The following POLM variants were observed in gnomAD, a reference collection of about 807,000 sequenced individuals.
POLM encodes the protein DNA polymerase mu.
A neutral mutation model predicts 56.7 loss-of-function variants in POLM; 52 were observed. The observed-to-expected ratio is 0.92, with a 90% CI of 0.73 to 1.15. POLM has a LOEUF of 1.15. Among genes scored for constraint, POLM ranks in the 50% most tolerant of loss-of-function variants. The pLI is 0.00. For missense variants in POLM, 660 were observed against 663.6 expected (o/e 0.99, Z 0.06); for synonymous variants, 273 against 274.3 (o/e 1.00, Z 0.05).
In POLM at chr7:44,079,592, T is replaced by C. The variant is rs774825076; in HGVS notation, c.621A>G (p.Glu207=). The change falls in exon 4 of 11, where the codon GAA becomes GAG. Residue 207 remains glutamate (E), a synonymous_variant. Transcript: ENST00000242248. ...CTACCTGGACAACCCTAGAGGAGTG[T>C]TCTCCAAAGTGGGGAAGCCCCTGCA... The part of the protein sequence containing the change: ...SQLQGLPHFG[E]HSSRVVQELL... The C allele has an allele frequency of 6.2e-7, 1 of 1,610,466 alleles. No individual in the cohort carries two copies. Among genetic ancestry groups the C allele is most frequent in the African/African-American group, 1.3e-5 (1 of 74,732 alleles).
In POLM at chr7:44,082,456, G is replaced by A. The variant is rs2096203123; in HGVS notation, c.-18C>T. The A allele has an allele frequency of 8.9e-6, 12 of 1,354,750 alleles. No homozygotes were observed. Among genetic ancestry groups the A allele is most frequent in the East Asian group, 3.1e-5 (1 of 31,934 alleles). 83.9% of individuals were successfully genotyped at this position (1,354,750 alleles called of 1,614,324 possible). On this transcript the variant is annotated 5_prime_UTR_variant, in exon 1 of 11. Transcript: ENST00000242248. ...GGGAGCATTGGGACGACAGCCTCCA[G>A]CAGCGCGGAGCGAACGCAGAGGGAA... is the stretch of plus-strand genomic sequence containing the variant.
chr7:44,079,525 G>A, intron 4 of POLM, 46 bp downstream of exon 4: 2 of 1,570,286 alleles, frequency 1.3e-6, no homozygotes, highest in Non-Finnish European at 1.7e-6. Context: ...AGGCCCCAAG[G>A]CCTCCCCACC....
chr7:44,077,664 G>A (rs1249795948), intron 5 of POLM, among the ~76,000 whole-genome samples: 1 of 152,074 alleles, frequency 6.6e-6, no homozygotes, highest in Non-Finnish European at 1.5e-5. Context: ...CACTCACCAC[G>A]GTGGCCCCAC....
rs1378416188 is a variant in POLM at position 44,078,794 on chromosome 7, T to TC, written c.659dup (p.Val221SerfsTer3). On this transcript the variant is annotated frameshift_variant, in exon 5 of 11. Transcript: ENST00000242248. LOFTEE classifies it high-confidence loss of function. ...GAACTCTCTCCACCTCCTCACACAC[T>TC]CCATGCTCCAGCAGCTCCTGGGGGA... is the stretch of plus-strand genomic sequence containing the variant. 1 of 1,613,664 alleles carries TC rather than the reference T, an allele frequency of 6.2e-7. No homozygotes were observed. The highest frequency in any genetic ancestry group is 8.5e-7 in the Non-Finnish European group (1 of 1,179,790).
At chr7:44,075,205 C>G (rs1008742910) in intron 6 of POLM, among the ~76,000 whole-genome samples, 2 of 152,196 alleles carry the variant, frequency 1.3e-5, no homozygotes, top group African/African-American at 4.8e-5. Flanking sequence ...TGTCTGCCAC[C>G]ACACCCAGCT....
At chr7:44,074,755 G>A (rs571932835) in intron 6 of POLM, among the ~76,000 whole-genome samples, 2 of 152,358 alleles carry the variant, frequency 1.3e-5, no homozygotes, top group East Asian at 1.9e-4. Context: ...TGAGACAGTT[G>A]TAGATTCACT....
chr7:44,073,445 A>T (rs781208196), intron 10 of POLM, 68 bp from the exon 11 acceptor site: 54 of 1,588,768 alleles, frequency 3.4e-5, no homozygotes, highest in Non-Finnish European at 4.4e-5. Flanking sequence ...AGGAAGACTG[A>T]GGGTGGGGAA....
Position 44,079,689 on chromosome 7 carries a change from C to A in POLM, c.524G>T (p.Arg175Leu). 1 of 1,612,590 alleles carries A rather than the reference C, an allele frequency of 6.2e-7. No individual in the cohort carries two copies. The highest frequency in any genetic ancestry group is 8.5e-7 in the Non-Finnish European group (1 of 1,179,326). ...EAAGFEGSEG[R>L]LLTFCRAASV... Reference sequence around the variant, plus strand: ...GGCTGCTCTGCAGAAGGTGAGGAGGCGGCCCTCACTGCCTTCAAAGCCTGC... The same window carrying A: ...GGCTGCTCTGCAGAAGGTGAGGAGGAGGCCCTCACTGCCTTCAAAGCCTGC... Residue 175 changes from arginine (R) to leucine (L), a missense_variant, in exon 4 of 11, where the codon CGC (arginine) becomes CTC (leucine). Physicochemically the swap from Arg to Leu is moderately radical, Grantham distance 102. Transcript: ENST00000242248.
At chr7:44,076,788 T>C (rs2096184920) in intron 5 of POLM, 159 bp from the exon 6 acceptor site, 2 of 865,978 alleles carry the variant, frequency 2.3e-6, no homozygotes, top group South Asian at 1.7e-5. Flanking sequence ...GATTCAAACC[T>C]GGAGCCTGAC....
chr7:44,073,662 A>G lies in POLM; in HGVS notation c.1361T>C (p.Leu454Pro). 6.2e-7 allele frequency: 1 copy of G among 1,614,186 alleles called. No individual in the cohort carries two copies. Among genetic ancestry groups the G allele is most frequent in the Non-Finnish European group, 8.5e-7 (1 of 1,180,020 alleles). Reference protein sequence around the residue: ...LRRFSRKEKGLWLNSHGLFDP... With the variant: ...LRRFSRKEKGPWLNSHGLFDP... ...AAACAGCCCATGGCTGTTCAGCCAC[A>G]GGCCCTTCTCCTTCCGGCTGAAGCG... The change falls in exon 10 of 11, where the codon CTG becomes CCG. Residue 454 changes from leucine (L) to proline (P), a missense_variant. Transcript: ENST00000242248.
At chr7:44,076,753 A>G in intron 5 of POLM, 124 bp from the exon 6 acceptor site, 2 of 1,229,962 alleles carry the variant, frequency 1.6e-6, no homozygotes, top group Non-Finnish European at 2.3e-6. Context: ...CCCCACTCGC[A>G]ACCTGCCGTA....
rs1282295377 is a variant in POLM, at chr7:44,072,066, G to A, written c.*1225C>T. 6.6e-6 allele frequency among the ~76,000 whole-genome samples: 1 copy of A among 152,130 alleles called. No homozygotes were observed. Among genetic ancestry groups the A allele is most frequent in the East Asian group, 1.9e-4 (1 of 5,194 alleles). On this transcript the variant is annotated 3_prime_UTR_variant, in exon 11 of 11. Transcript: ENST00000242248. ...GCTGTGGGGAGAGGCCAGTCCAAAG[G>A]TTAAATATAGTTTGGTTCTATTTAC...
In POLM at chr7:44,077,473, G is replaced by A. The variant is rs546377073; in HGVS notation, c.715-844C>T. ...GGGTCACTGTCACTTGCAACCCAAA[G>A]AATCCTGACTAAAAATGATGAGATT... On this transcript the variant is annotated intron_variant, in intron 5 of 10. Transcript: ENST00000242248. 3.3e-5 allele frequency among the ~76,000 whole-genome samples: 5 copies of A among 152,290 alleles called. No individual in the cohort carries two copies. In the South Asian group the frequency reaches 1.0e-3, roughly 32 times the overall value.
intron 6 of POLM, 181 bp downstream of exon 6, chr7:44,076,328 A>G: frequency 1.5e-6 from 1 of 654,288 alleles, no homozygotes. Context: ...AGCATCGTCC[A>G]CTGAGAAAAG....
Position 44,080,759 on chromosome 7 carries a change from G to A in POLM, c.346C>T (p.Pro116Ser). 6.2e-7 allele frequency: 1 copy of A among 1,614,114 alleles called. No homozygotes were observed. The highest frequency in any genetic ancestry group is 8.5e-7 in the Non-Finnish European group (1 of 1,180,014). Residue 116 changes from proline (P) to serine (S), a missense_variant, in exon 2 of 11, where the codon CCT becomes TCT. Coordinates refer to ENST00000242248, the MANE Select transcript of POLM (RefSeq NM_013284.4). ...TCCAGGCGGTGCCGGCACTCCACAGGTACAGGCTGCCCAGCTCCCAGGCTC... is the reference window on the plus strand; with the variant it reads ...TCCAGGCGGTGCCGGCACTCCACAGATACAGGCTGCCCAGCTCCCAGGCTC... ...TESLGAGQPVPVECRHRLEVA... is the reference protein window; with the variant it reads ...TESLGAGQPVSVECRHRLEVA...
In POLM at chr7:44,076,603, A is replaced by C; in HGVS notation, c.741T>G (p.Gly247=). 1 of 1,613,932 alleles carries C rather than the reference A, an allele frequency of 6.2e-7. No individual in the cohort carries two copies. Residue 247 remains glycine (G), a synonymous_variant, in exon 6 of 11, where the codon GGT becomes GGG. Coordinates refer to ENST00000242248, the MANE Select transcript of POLM (RefSeq NM_013284.4). ...GGTACCACCGGTCAGCAGTCTTCACACCGACCCCGAAGATCTGGGTGAAGA... is the reference window on the plus strand; with the variant it reads ...GGTACCACCGGTCAGCAGTCTTCACCCCGACCCCGAAGATCTGGGTGAAGA... The part of the protein sequence containing the change: ...MKLFTQIFGV[G]VKTADRWYRE...
At position 44,080,929 on chromosome 7, in the gene POLM, G is replaced by T; in HGVS notation, c.189-13C>A. 6.5e-7 allele frequency: 1 copy of T among 1,546,176 alleles called. No homozygotes were observed. The highest frequency in any genetic ancestry group is 8.7e-7 in the Non-Finnish European group (1 of 1,147,544). Reference sequence around the variant, plus strand: ...TGTCGCTTCGGAGCTGGTGGAGGGAGTTGGGAGAGAAGGAGGAGGGTGAGG... The same window carrying T: ...TGTCGCTTCGGAGCTGGTGGAGGGATTTGGGAGAGAAGGAGGAGGGTGAGG... On this transcript the variant is annotated splice_polypyrimidine_tract_variant and intron_variant, in intron 1 of 10. Coordinates refer to ENST00000242248, the MANE Select transcript of POLM (RefSeq NM_013284.4).
In POLM at chr7:44,074,515, T is replaced by C. The variant is rs1473663141; in HGVS notation, c.851A>G (p.Gln284Arg). 16 of 1,586,138 alleles carry C rather than the reference T, an allele frequency of 1.0e-5. No homozygotes were observed. The highest frequency in any genetic ancestry group is 1.7e-4 in the Middle Eastern group (1 of 5,832). Reference sequence around the variant, plus strand: ...CCGCAGGACTGGGGTGCTCAGGTCCTGGTGGTGCTGGAGCCCTGGGGGCAA... The same window carrying C: ...CCGCAGGACTGGGGTGCTCAGGTCCCGGTGGTGCTGGAGCCCTGGGGGCAA... ...QQQKAGLQHH[Q>R]DLSTPVLRSD... is the part of the protein sequence containing the mutation. Residue 284 changes from glutamine to arginine, a missense_variant, in exon 7 of 11, where the codon CAG (glutamine) becomes CGG (arginine). By Grantham distance (43) the Gln-to-Arg change is conservative. Coordinates refer to ENST00000242248, the MANE Select transcript of POLM (RefSeq NM_013284.4).
rs1409652757 is a variant in POLM, at chr7:44,073,198, G to A, written c.*93C>T. The A allele has an allele frequency of 2.5e-6, 4 of 1,602,788 alleles. No individual in the cohort carries two copies. Among genetic ancestry groups the A allele is most frequent in the Non-Finnish European group, 1.7e-6 (2 of 1,174,034 alleles). ...CCTTGGCGGGGAGGGGTGAAGGTGG[G>A]GGTCAGGGGGCAGCATATCTGCCTG... On this transcript the variant is annotated 3_prime_UTR_variant, in exon 11 of 11. Transcript: ENST00000242248.
Sources: allele counts gnomAD v4.1 joint callset (sites outside exome capture counted in the v4.1 genomes callset), GRCh38; gene constraint gnomAD v4.1.1; transcripts MANE v1.5; gene names NCBI Gene and HGNC (gene_info 2026-07-23, HGNC 2026-07-21).